SLC10A7: variants seen among roughly 807,000 people sequenced by gnomAD.
SLC10A7 encodes the protein solute carrier family 10 member 7.
Under a neutral mutation model 43.2 loss-of-function variants are expected in SLC10A7, and 29 were observed. That is an observed-to-expected ratio of 0.67 (90% CI 0.50 to 0.92). The LOEUF (loss-of-function observed/expected upper bound fraction) is 0.92. SLC10A7 is among the 40% of genes least tolerant of loss of function. The pLI is 0.00. For synonymous variants in SLC10A7, 152 were observed against 144.8 expected (o/e 1.05, Z -0.35); for missense variants, 295 against 403.2 (o/e 0.73, Z 2.30).
At chr4:146,360,517 T>C (rs773395968) in intron 5 of SLC10A7, among the ~76,000 whole-genome samples, 26 of 152,258 alleles carry the variant, frequency 1.7e-4, no homozygotes, top group Non-Finnish European at 2.6e-4. Context: ...CATAGCTCAC[T>C]GCAACCTCAA....
intron 4 of SLC10A7, among the ~76,000 whole-genome samples, chr4:146,468,862 T>C (rs1475148447): frequency 2.0e-5 from 3 of 152,138 alleles, no homozygotes; most frequent in Non-Finnish European, 4.4e-5. Context: ...TGTTAATATT[T>C]AGAGATTTGT....
At chr4:146,258,897 C>A in intron 10 of SLC10A7, 60 bp from the exon 11 acceptor site, 2 of 1,538,332 alleles carry the variant, frequency 1.3e-6, no homozygotes, top group Admixed American at 4.0e-5. Context: ...AAATTAAATG[C>A]ATACTCCATC....
intron 5 of SLC10A7, among the ~76,000 whole-genome samples, chr4:146,350,303 C>T (rs1475217651): frequency 4.0e-5 from 6 of 151,638 alleles, no homozygotes; most frequent in African/African-American, 9.7e-5. Context: ...CACTCCCACC[C>T]GAATATTGCG....
chr4:146,335,836 T>C (rs1553958406), intron 5 of SLC10A7, among the ~76,000 whole-genome samples: 1 of 152,078 alleles, frequency 6.6e-6, no homozygotes, highest in Non-Finnish European at 1.5e-5. Context: ...TAACTCATAA[T>C]TTATTTACTC....
chr4:146,409,012 T>C (rs1727940272), intron 5 of SLC10A7, among the ~76,000 whole-genome samples: 1 of 152,064 alleles, frequency 6.6e-6, no homozygotes, highest in South Asian at 2.1e-4. Context: ...GTTATAGTTA[T>C]TAAAAAACAA....
chr4:146,479,663 C>T lies in SLC10A7; in HGVS notation c.396+24186G>A, dbSNP rs573110870. On this transcript the variant is annotated intron_variant, in intron 4 of 11. Coordinates refer to ENST00000335472, the MANE Select transcript of SLC10A7 (RefSeq NM_001029998.6). Reference sequence around the variant, plus strand: ...TTAATGAATGGGTATACAGTTTCAGCTTAGGAAGATGAAAAAGTTACAGAG... The same window carrying T: ...TTAATGAATGGGTATACAGTTTCAGTTTAGGAAGATGAAAAAGTTACAGAG... Among the ~76,000 whole-genome samples, 56 of 152,062 alleles carry T rather than the reference C, an allele frequency of 3.7e-4. No homozygotes were observed. In the South Asian group the frequency reaches 0.011, roughly 29 times the overall value.
intron 5 of SLC10A7, among the ~76,000 whole-genome samples, chr4:146,422,938 T>C (rs1729062423): frequency 1.3e-5 from 2 of 152,144 alleles, no homozygotes; most frequent in Admixed American, 6.5e-5. Context: ...GTAAATTCTC[T>C]GAGAGTAGGA....
intron 1 of SLC10A7, among the ~76,000 whole-genome samples, chr4:146,517,881 C>T (rs1348462994): frequency 6.6e-6 from 1 of 152,170 alleles, no homozygotes; most frequent in African/African-American, 2.4e-5. Context: ...GCATTCAGTT[C>T]TGCCCAAGAG....
At chr4:146,483,470 A>G (rs899453721) in intron 4 of SLC10A7, among the ~76,000 whole-genome samples, 3 of 151,996 alleles carry the variant, frequency 2.0e-5, no homozygotes, top group African/African-American at 7.2e-5. Flanking sequence ...ACCCTACATC[A>G]TATATACAAA....
At chr4:146,466,642 G>A (rs1418783087) in intron 4 of SLC10A7, among the ~76,000 whole-genome samples, 2 of 151,986 alleles carry the variant, frequency 1.3e-5, no homozygotes, top group Non-Finnish European at 2.9e-5. Context: ...TTCATAAGCA[G>A]AAAAAAAGCT....
rs562565823 is a variant in SLC10A7, at chr4:146,425,811, G to A, written c.435+16972C>T. ...GATCGCTGGTCCAAATGATGGACAT[G>A]TCTGTTTCCAAGGGCAGTGTACCCT... On this transcript the variant is annotated intron_variant, in intron 5 of 11. Coordinates refer to ENST00000335472, the MANE Select transcript of SLC10A7 (RefSeq NM_001029998.6). Among the ~76,000 whole-genome samples the A allele has an allele frequency of 2.6e-5, 4 of 152,298 alleles. No homozygotes were observed. In the East Asian group the frequency reaches 7.7e-4, roughly 29 times the overall value.
At chr4:146,425,140 A>T (rs1222705020) in intron 5 of SLC10A7, among the ~76,000 whole-genome samples, 1 of 152,206 alleles carries the variant, frequency 6.6e-6, no homozygotes, top group East Asian at 1.9e-4. Context: ...GACAAGCTGA[A>T]CATGTGTATG....
intron 4 of SLC10A7, among the ~76,000 whole-genome samples, chr4:146,444,273 T>G (rs1730848680): frequency 6.6e-6 from 1 of 152,218 alleles, no homozygotes; most frequent in Admixed American, 6.5e-5. Flanking sequence ...GATCCTATTT[T>G]GTGCTTAAAA....
chr4:146,436,183 T>C (rs1177981089), intron 5 of SLC10A7, among the ~76,000 whole-genome samples: 4 of 152,170 alleles, frequency 2.6e-5, no homozygotes, highest in African/African-American at 7.2e-5. Flanking sequence ...CTGTGACTAA[T>C]GCATTTACTT....
At chr4:146,514,855 G>T (rs1370225761) in intron 2 of SLC10A7, 1 of 397,200 alleles carries the variant, frequency 2.5e-6, no homozygotes, top group Non-Finnish European at 4.5e-6. Context: ...ATTACACAAT[G>T]ATACAATCTA....
At chr4:146,488,817 A>G (rs916860302) in intron 4 of SLC10A7, among the ~76,000 whole-genome samples, 3 of 152,234 alleles carry the variant, frequency 2.0e-5, no homozygotes, top group African/African-American at 7.2e-5. Flanking sequence ...ATTTTTTTAT[A>G]AAAGTTTAAC....
chr4:146,291,982 C>G (rs1395521496), intron 9 of SLC10A7, among the ~76,000 whole-genome samples: 2 of 152,158 alleles, frequency 1.3e-5, no homozygotes, highest in East Asian at 3.8e-4. Context: ...TTGAGGTAAG[C>G]TTTTAAGAAC....
At chr4:146,463,986 C>G (rs535172142) in intron 4 of SLC10A7, among the ~76,000 whole-genome samples, 19 of 151,860 alleles carry the variant, frequency 1.3e-4, no homozygotes, top group Non-Finnish European at 2.5e-4. Flanking sequence ...CCATACCTAG[C>G]TAATTTTTTT....
At chr4:146,370,874 T>C (rs561906670) in intron 5 of SLC10A7, among the ~76,000 whole-genome samples, 60 of 152,192 alleles carry the variant, frequency 3.9e-4, no homozygotes, top group African/African-American at 1.3e-3. Flanking sequence ...AGAGTTTAAT[T>C]TGGCATTTTC....
Sources: allele counts gnomAD v4.1 joint callset (sites outside exome capture counted in the v4.1 genomes callset), GRCh38; gene constraint gnomAD v4.1.1; transcripts MANE v1.5; gene names NCBI Gene and HGNC (gene_info 2026-07-23, HGNC 2026-07-21).